LRRTM3: variants seen among roughly 807,000 people sequenced by gnomAD.
LRRTM3 encodes the protein leucine rich repeat transmembrane neuronal 3, also known as leucine-rich repeat transmembrane neuronal protein 3.
In LRRTM3, 24 loss-of-function variants were observed where a neutral mutation model predicts 44.7. The observed-to-expected ratio is 0.54, with a 90% CI of 0.39 to 0.76. The LOEUF is 0.76. Among genes scored for constraint, LRRTM3 ranks in the 30% least tolerant of loss-of-function variants. LRRTM3 has a pLI of 0.00. For missense variants in LRRTM3, 587 were observed against 702.2 expected (o/e 0.84, Z 1.85); for synonymous variants, 277 against 278.7 (o/e 0.99, Z 0.06).
chr10:67,009,814 C>T lies in LRRTM3; in HGVS notation c.1536+81362C>T, dbSNP rs140715817. 3.6e-3 allele frequency among the ~76,000 whole-genome samples: 549 copies of T among 152,248 alleles called. 3 individuals are homozygous for T. The highest frequency in any genetic ancestry group is 0.012 in the African/African-American group (503 of 41,550). On this transcript the variant is annotated intron_variant, in intron 2 of 2. Transcript: ENST00000361320. ...TTCCTTTTCCCAGGTCACACCTCTC[C>T]ATCTGGAGTGAGTGGCTAAAAACAT... is the stretch of plus-strand genomic sequence containing the variant.
chr10:66,991,745 G>A (rs1851050550), intron 2 of LRRTM3, among the ~76,000 whole-genome samples: 1 of 152,114 alleles, frequency 6.6e-6, no homozygotes, highest in South Asian at 2.1e-4. Context: ...ACATTTGCCA[G>A]AACTCTGTGC....
At chr10:66,965,177 G>C (rs755893915) in intron 2 of LRRTM3, among the ~76,000 whole-genome samples, 7 of 152,156 alleles carry the variant, frequency 4.6e-5, no homozygotes, top group African/African-American at 7.2e-5. Context: ...ACAATGCCCT[G>C]GATTTAGGTA....
rs748411943 is a variant in LRRTM3 at position 66,953,635 on chromosome 10, TA to T, written c.1536+25186del. Among the ~76,000 whole-genome samples the T allele has an allele frequency of 1.8e-4, 28 of 152,168 alleles. 1 individual carries two copies. The highest frequency in any genetic ancestry group is 3.4e-4 in the Non-Finnish European group (23 of 68,030). On this transcript the variant is annotated intron_variant, in intron 2 of 2. Coordinates refer to ENST00000361320, the MANE Select transcript of LRRTM3 (RefSeq NM_178011.5). ...AAGATACATTACCTTATAAAAATAA[TA>T]AATATTGCTTAGAGAATTTCATCTA...
intron 2 of LRRTM3, among the ~76,000 whole-genome samples, chr10:67,005,682 CT>C (rs11369576): frequency 0.02 from 1,237 of 61,948 alleles, 17 homozygotes; most frequent in African/African-American, 0.063. Flanking sequence ...TTTACTCCAT[CT>C]TTTTTTTTTT....
intron 2 of LRRTM3, among the ~76,000 whole-genome samples, chr10:67,077,568 T>C (rs968597845): frequency 1.3e-5 from 2 of 152,146 alleles, no homozygotes; most frequent in African/African-American, 4.8e-5. Flanking sequence ...TTCTACTTGA[T>C]TCATTCATCT....
At chr10:66,999,349 CATTTTCAAGAA>C (rs1309748403) in intron 2 of LRRTM3, among the ~76,000 whole-genome samples, 1 of 152,038 alleles carries the variant, frequency 6.6e-6, no homozygotes, top group Non-Finnish European at 1.5e-5. Context: ...TTCTGCCTAA[CATTTTCAAGAA>C]AAAACTTGGG....
chr10:67,038,139 G>A (rs1158564736), intron 2 of LRRTM3, among the ~76,000 whole-genome samples: 1 of 152,010 alleles, frequency 6.6e-6, no homozygotes, highest in African/African-American at 2.4e-5. Context: ...AAGCATTTCA[G>A]AGCAAGTTAT....
chr10:66,926,349 AGATTTT>A lies in LRRTM3; in HGVS notation c.-231_-226del. 1.7e-6 allele frequency: 1 copy of A among 598,882 alleles called. No homozygotes were observed. Among genetic ancestry groups the A allele is most frequent in the South Asian group, 1.9e-5 (1 of 51,604 alleles). 37.1% of individuals were successfully genotyped at this position (598,882 alleles called of 1,614,324 possible). A position where few individuals can be genotyped will look rare whatever the true frequency, so the allele number is the denominator to read the frequency against. On this transcript the variant is annotated 5_prime_UTR_variant, in exon 1 of 3. In the 5' UTR this introduces an upstream ATG that the reference lacks. Transcript: ENST00000361320. Reference sequence around the variant, plus strand: ...TCCATGAAGATCCTATTACCTAGGAAGATTTTGATGTTTTGCTGCGAATGCGGTGTT... The same window carrying A: ...TCCATGAAGATCCTATTACCTAGGAAGATGTTTTGCTGCGAATGCGGTGTT...
At position 67,097,599 on chromosome 10, in the gene LRRTM3, A is replaced by G. The variant is rs776501838; in HGVS notation, c.1549A>G (p.Met517Val). The G allele has an allele frequency of 1.5e-5, 24 of 1,612,138 alleles. No individual in the cohort carries two copies. In the Admixed American group the frequency reaches 2.3e-4, roughly 16 times the overall value. ...GSRECEIPLS[M>V]NVSTFLAYDQ... The stretch of plus-strand genomic sequence containing the variant: ...CATTTTTCCCCAGATACCTTTATCA[A>G]TGAATGTGTCAACCTTTCTGGCATA... Residue 517 changes from methionine to valine, a missense_variant, in exon 3 of 3, where the codon ATG (methionine) becomes GTG (valine). Around this residue, in one of 3 missense-constraint regions of LRRTM3, gnomAD observed 315 missense variants for 335.6 expected, o/e 0.94. Transcript: ENST00000361320.
chr10:66,978,787 A>G (rs1038236615), intron 2 of LRRTM3, among the ~76,000 whole-genome samples: 2 of 150,960 alleles, frequency 1.3e-5, no homozygotes, highest in Non-Finnish European at 2.9e-5. Context: ...GTAGCATGAA[A>G]GCAAGGCCTG....
chr10:67,045,124 A>G, intron 2 of LRRTM3, among the ~76,000 whole-genome samples: 1 of 152,228 alleles, frequency 6.6e-6, no homozygotes, highest in East Asian at 1.9e-4. Context: ...CTACCTAGTT[A>G]ATGCTTACAT....
chr10:67,077,895 T>C (rs1856816647), intron 2 of LRRTM3, among the ~76,000 whole-genome samples: 2 of 152,204 alleles, frequency 1.3e-5, no homozygotes, highest in South Asian at 4.1e-4. Flanking sequence ...TCTAGATTTC[T>C]AGATTAACAG....
chr10:67,079,141 C>A (rs1207814658), intron 2 of LRRTM3, among the ~76,000 whole-genome samples: 2 of 152,192 alleles, frequency 1.3e-5, no homozygotes, highest in African/African-American at 4.8e-5. Flanking sequence ...GATTTGCATT[C>A]CCCTTTTGGT....
At chr10:66,999,429 C>A (rs758187571) in intron 2 of LRRTM3, among the ~76,000 whole-genome samples, 22 of 152,096 alleles carry the variant, frequency 1.4e-4, no homozygotes, top group Non-Finnish European at 2.6e-4. Context: ...AAATTAAGAT[C>A]ATCAATTTGT....
intron 2 of LRRTM3, among the ~76,000 whole-genome samples, chr10:66,954,940 G>A (rs963870859): frequency 1.3e-5 from 2 of 152,072 alleles, no homozygotes; most frequent in African/African-American, 2.4e-5. Context: ...TATATAAAAC[G>A]GAAGTAATAA....
At chr10:67,086,854 T>G (rs904055486) in intron 2 of LRRTM3, among the ~76,000 whole-genome samples, 1 of 152,066 alleles carries the variant, frequency 6.6e-6, no homozygotes, top group Non-Finnish European at 1.5e-5. Flanking sequence ...ATTTTCATTC[T>G]GCCATACTTA....
At chr10:67,065,642 C>G (rs961690640) in intron 2 of LRRTM3, among the ~76,000 whole-genome samples, 3 of 152,012 alleles carry the variant, frequency 2.0e-5, no homozygotes, top group African/African-American at 7.2e-5. Context: ...CAATAAAATT[C>G]TCCAGTGCCT....
intron 2 of LRRTM3, among the ~76,000 whole-genome samples, chr10:67,056,372 T>A (rs1855431449): frequency 6.6e-6 from 1 of 152,204 alleles, no homozygotes; most frequent in Admixed American, 6.5e-5. Flanking sequence ...GTCTTCCCAA[T>A]GTAGGACTGG....
intron 2 of LRRTM3, among the ~76,000 whole-genome samples, chr10:67,009,831 T>C (rs1342812630): frequency 6.6e-6 from 1 of 152,158 alleles, no homozygotes; most frequent in African/African-American, 2.4e-5. Flanking sequence ...AGTGAGTGGC[T>C]AAAAACATAT....
Sources: gnomAD v4.1 joint callset for allele counts (sites outside exome capture counted in the v4.1 genomes callset) on GRCh38, gnomAD v4.1.1 for gene constraint, gnomAD v4.1.1 regional missense constraint, MANE v1.5 for transcripts, NCBI Gene and HGNC (gene_info 2026-07-23, HGNC 2026-07-21) for gene names.